The following SHC4 variants were observed in gnomAD, a reference collection of about 807,000 sequenced individuals.
SHC4 encodes SHC adaptor protein 4, also known as SHC-transforming protein 4.
In SHC4, 41 loss-of-function variants were observed where a neutral mutation model predicts 69.4. The ratio of observed to expected loss-of-function variants is 0.59; its 90% CI spans 0.46 to 0.77. The LOEUF (loss-of-function observed/expected upper bound fraction) is 0.77, where lower values mean the gene tolerates loss of function less well. Among genes scored for constraint, SHC4 ranks in the 30% least tolerant of loss-of-function variants. The probability of loss-of-function intolerance (pLI) is 0.00; values close to 1 mark genes in which losing one functional copy is unlikely to be tolerated. For synonymous variants in SHC4, 318 were observed against 299.3 expected, an observed-to-expected ratio of 1.06 and a Z score of -0.64; for missense variants, 777 against 783.8, an observed-to-expected ratio of 0.99 and a Z score of 0.10.
chr15:48,828,034 C>T (rs1025030297), intron 11 of SHC4, among the ~76,000 whole-genome samples: 1 of 152,052 alleles, frequency 6.6e-6, no homozygotes, highest in African/African-American at 2.4e-5. Context: ...ACTTCACCCA[C>T]ACAAGATTTT....
intron 8 of SHC4, among the ~76,000 whole-genome samples, chr15:48,855,089 ATTACCT>A (rs1899286030): frequency 6.6e-6 from 1 of 152,172 alleles, no homozygotes; most frequent in African/African-American, 2.4e-5. Flanking sequence ...TGCTATGCTG[ATTACCT>A]GGGTGACAAA....
At chr15:48,862,657 CCTTTCTA>C (rs1327723025) in intron 6 of SHC4, among the ~76,000 whole-genome samples, 1 of 152,180 alleles carries the variant, frequency 6.6e-6, no homozygotes, top group African/African-American at 2.4e-5. Context: ...CTGGCTCCTG[CCTTTCTA>C]GGTGTACAAA....
chr15:48,955,201 A>G (rs567785585), intron 1 of SHC4, among the ~76,000 whole-genome samples: 49 of 152,172 alleles, frequency 3.2e-4, no homozygotes, highest in Admixed American at 1.5e-3. Context: ...TCTTTCCCAC[A>G]TATTCTGAAG....
chr15:48,945,607 C>T (rs183637378), intron 1 of SHC4, among the ~76,000 whole-genome samples: 10 of 152,196 alleles, frequency 6.6e-5, no homozygotes, highest in African/African-American at 2.2e-4. Flanking sequence ...ATGACAGGAA[C>T]CAGACACAAA....
chr15:48,857,649 CAT>C (rs537651405), intron 7 of SHC4, 41 bp downstream of exon 7: 421 of 1,446,190 alleles, frequency 2.9e-4, no homozygotes, highest in South Asian at 8.8e-4. Context: ...TAAATGCACA[CAT>C]ATATATATAT....
At chr15:48,910,545 T>A (rs973272505) in intron 2 of SHC4, among the ~76,000 whole-genome samples, 1 of 152,130 alleles carries the variant, frequency 6.6e-6, no homozygotes, top group Non-Finnish European at 1.5e-5. Context: ...TTTTTTTGTT[T>A]CTTTGTCTCA....
At chr15:48,881,277 A>G (rs1157633260) in intron 4 of SHC4, among the ~76,000 whole-genome samples, 1 of 151,886 alleles carries the variant, frequency 6.6e-6, no homozygotes, top group Non-Finnish European at 1.5e-5. Flanking sequence ...CTAAAAATCT[A>G]GATTCTTACC....
intron 2 of SHC4, among the ~76,000 whole-genome samples, chr15:48,898,703 C>T (rs1900266009): frequency 6.6e-6 from 1 of 152,164 alleles, no homozygotes; most frequent in African/African-American, 2.4e-5. Flanking sequence ...CTATAACTCT[C>T]ACTAGTTAAC....
chr15:48,902,202 CAAAAA>C (rs35158653), intron 2 of SHC4, among the ~76,000 whole-genome samples: 3 of 73,566 alleles, frequency 4.1e-5, no homozygotes. Flanking sequence ...GACTGTGTCT[CAAAAA>C]AAAAAAAAAA....
In SHC4 at chr15:48,857,703, A is replaced by T. The variant is rs1899354208; in HGVS notation, c.1059T>A (p.Thr353=). ...AACTCTTGGCTGACCTTTCACAAGA[A>T]GTATTCAAAGAAGGATTTTTCAAGT... ...KQYLKNPSLN[T]SCESEEVHID... The change falls in exon 7 of 12, where the codon ACT becomes ACA. Residue 353 remains threonine, a synonymous_variant. Transcript: ENST00000332408. 4 of 1,598,388 alleles carry T rather than the reference A, an allele frequency of 2.5e-6. No homozygotes were observed. Among genetic ancestry groups the T allele is most frequent in the Non-Finnish European group, 2.6e-6 (3 of 1,172,096 alleles).
chr15:48,926,079 C>T (rs1474730853), intron 1 of SHC4, among the ~76,000 whole-genome samples: 3 of 152,056 alleles, frequency 2.0e-5, no homozygotes, highest in Non-Finnish European at 4.4e-5. Context: ...CTTAAGGCAC[C>T]GGTGGGGTAT....
intron 5 of SHC4, among the ~76,000 whole-genome samples, chr15:48,871,014 T>C (rs1302411793): frequency 6.6e-6 from 1 of 152,346 alleles, no homozygotes; most frequent in South Asian, 2.1e-4. Flanking sequence ...TAGCATCCTC[T>C]ATATCTTTCT....
At chr15:48,956,970 C>CTTT (rs1234585427) in intron 1 of SHC4, among the ~76,000 whole-genome samples, 80 of 70,124 alleles carry the variant, frequency 1.1e-3, no homozygotes, top group Non-Finnish European at 1.4e-3. Flanking sequence ...TTCTTTCTTT[C>CTTT]TTTCTTTTTT....
chr15:48,939,878 GC>G (rs1217213180), intron 1 of SHC4, among the ~76,000 whole-genome samples: 8 of 152,194 alleles, frequency 5.3e-5, no homozygotes, highest in Non-Finnish European at 1.2e-4. Flanking sequence ...GAAAGGTTAG[GC>G]AAAAAGCCAG....
intron 2 of SHC4, among the ~76,000 whole-genome samples, chr15:48,903,722 C>T (rs1238734939): frequency 6.6e-6 from 1 of 152,170 alleles, no homozygotes; most frequent in Non-Finnish European, 1.5e-5. Context: ...AATCAAAAAA[C>T]TCTGGGGCTG....
chr15:48,934,343 T>C (rs1487307892), intron 1 of SHC4, among the ~76,000 whole-genome samples: 1 of 152,172 alleles, frequency 6.6e-6, no homozygotes, highest in African/African-American at 2.4e-5. Flanking sequence ...AGATGTTCAA[T>C]ATAATTTACC....
At chr15:48,930,659 T>C (rs1313542614) in intron 1 of SHC4, among the ~76,000 whole-genome samples, 1 of 151,834 alleles carries the variant, frequency 6.6e-6, no homozygotes, top group African/African-American at 2.4e-5. Flanking sequence ...AAATAATGAA[T>C]TAAAAACAAA....
rs182963839 is a variant in SHC4 at position 48,877,576 on chromosome 15, T to C, written c.841-5434A>G. ...ATTCAAAGAATACACACCGCATTGC[T>C]AATAGTGGAAAGATACCTCCCAGGC... On this transcript the variant is annotated intron_variant, in intron 4 of 11. Transcript: ENST00000332408. 30 of 984,988 alleles carry C rather than the reference T, an allele frequency of 3.0e-5. No homozygotes were observed. In the Admixed American group the frequency reaches 1.7e-3, roughly 55 times the overall value. The allele number at this position is 984,988 out of a possible 1,614,324, so 61.0% of individuals were successfully genotyped here.
At chr15:48,945,621 C>A (rs1901263186) in intron 1 of SHC4, among the ~76,000 whole-genome samples, 1 of 152,116 alleles carries the variant, frequency 6.6e-6, no homozygotes, top group African/African-American at 2.4e-5. Flanking sequence ...ACACAAAAGA[C>A]CACATATTAT....
Sources: allele counts gnomAD v4.1 joint callset (sites outside exome capture counted in the v4.1 genomes callset), GRCh38; gene constraint gnomAD v4.1.1; transcripts MANE v1.5; gene names NCBI Gene and HGNC (gene_info 2026-07-23, HGNC 2026-07-21).